Variants in NPHP1 observed in about 807,000 individuals in gnomAD.
NPHP1 encodes nephrocystin-1.
In NPHP1, 70 loss-of-function variants were observed where a neutral mutation model predicts 90.4. The ratio of observed to expected loss-of-function variants is 0.77; its 90% CI spans 0.64 to 0.95. NPHP1 has a LOEUF of 0.95. NPHP1 is among the 40% of genes least tolerant of loss of function. The pLI is 0.00. For missense variants in NPHP1, 764 were observed against 795.9 expected, an observed-to-expected ratio of 0.96 and a Z score of 0.48; for synonymous variants, 256 against 271.7, an observed-to-expected ratio of 0.94 and a Z score of 0.57.
intron 11 of NPHP1, among the ~76,000 whole-genome samples, chr2:110,152,521 G>A (rs553109570): frequency 6.6e-6 from 1 of 151,520 alleles, no homozygotes; most frequent in East Asian, 1.9e-4. Context: ...GGTAGCAAGG[G>A]GCTGGATTTG....
At chr2:110,169,232 G>A (rs897793920) in intron 5 of NPHP1, among the ~76,000 whole-genome samples, 8 of 151,944 alleles carry the variant, frequency 5.3e-5, no homozygotes, top group African/African-American at 1.9e-4. Context: ...ATATTCTTAT[G>A]TATTTTATTA....
chr2:110,155,427 C>T (rs975737344), intron 11 of NPHP1, among the ~76,000 whole-genome samples: 5 of 152,168 alleles, frequency 3.3e-5, no homozygotes, highest in African/African-American at 9.7e-5. Flanking sequence ...GGGCCACCAT[C>T]TTCCAGACCC....
chr2:110,131,264 C>G (rs1456492027), intron 17 of NPHP1, among the ~76,000 whole-genome samples: 2 of 152,058 alleles, frequency 1.3e-5, no homozygotes, highest in African/African-American at 4.8e-5. Flanking sequence ...CTGGATTCAC[C>G]AATTTAAACT....
intron 2 of NPHP1, among the ~76,000 whole-genome samples, chr2:110,192,706 C>G (rs1279908670): frequency 6.6e-6 from 1 of 152,068 alleles, no homozygotes; most frequent in Non-Finnish European, 1.5e-5. Flanking sequence ...ACATAATTGT[C>G]AGATTCACGA....
intron 18 of NPHP1, chr2:110,128,349 G>GC (rs1322547004): frequency 6.6e-6 from 1 of 152,056 alleles, no homozygotes; most frequent in African/African-American, 2.4e-5. Flanking sequence ...ACCGCCCTCA[G>GC]CCCCACACCG....
At chr2:110,172,945 CTTTTCT>C (rs1037063157) in intron 4 of NPHP1, among the ~76,000 whole-genome samples, 10 of 148,320 alleles carry the variant, frequency 6.7e-5, no homozygotes, top group South Asian at 2.1e-4. Flanking sequence ...GTAGTAATTT[CTTTTCT>C]TTTTCTTTTT....
chr2:110,189,107 A>C (rs760790245), intron 2 of NPHP1, among the ~76,000 whole-genome samples: 2 of 152,194 alleles, frequency 1.3e-5, no homozygotes, highest in Non-Finnish European at 2.9e-5. Context: ...TCATGACAAC[A>C]AAAAGCCAAA....
At chr2:110,144,325 C>T in intron 15 of NPHP1, 168 bp downstream of exon 15, 2 of 605,916 alleles carry the variant, frequency 3.3e-6, no homozygotes, top group South Asian at 2.1e-5. Flanking sequence ...TATGTGTTAC[C>T]AAGAAAATAA....
At chr2:110,181,602 A>G (rs1683910821) in intron 2 of NPHP1, among the ~76,000 whole-genome samples, 1 of 152,156 alleles carries the variant, frequency 6.6e-6, no homozygotes, top group Non-Finnish European at 1.5e-5. Flanking sequence ...AACAACATCA[A>G]CAATAAAAAC....
chr2:110,188,094 G>T (rs1280540876), intron 2 of NPHP1, among the ~76,000 whole-genome samples: 1 of 152,132 alleles, frequency 6.6e-6, no homozygotes, highest in Non-Finnish European at 1.5e-5. Context: ...CATTCCCTTT[G>T]AAAACAGGCA....
chr2:110,152,544 C>A (rs1681555977), intron 11 of NPHP1, among the ~76,000 whole-genome samples: 1 of 149,694 alleles, frequency 6.7e-6, no homozygotes. Flanking sequence ...TGCTATATAT[C>A]ACCCCATGAT....
chr2:110,179,969 T>G (rs1487280241), intron 2 of NPHP1, among the ~76,000 whole-genome samples: 1 of 152,168 alleles, frequency 6.6e-6, no homozygotes, highest in Non-Finnish European at 1.5e-5. Flanking sequence ...TTTAAAATGC[T>G]TCTCCAGCTC....
chr2:110,199,778 TA>T (rs1290766849), intron 2 of NPHP1, among the ~76,000 whole-genome samples: 1 of 152,130 alleles, frequency 6.6e-6, no homozygotes, highest in Non-Finnish European at 1.5e-5. Context: ...AATCTTTTTG[TA>T]AAATAAAATC....
chr2:110,152,721 T>C (rs1559065208), intron 11 of NPHP1, among the ~76,000 whole-genome samples: 1 of 151,866 alleles, frequency 6.6e-6, no homozygotes, highest in Non-Finnish European at 1.5e-5. Flanking sequence ...GTGGGCCTTT[T>C]AATGGATCAG....
At chr2:110,170,066 A>G (rs1355686471) in intron 4 of NPHP1, 68 bp from the exon 5 acceptor site, 32 of 1,580,388 alleles carry the variant, frequency 2.0e-5, no homozygotes, top group Non-Finnish European at 2.8e-5. Flanking sequence ...TATGAGTGTA[A>G]CTTCTACATA....
At position 110,178,448 on chromosome 2, in the gene NPHP1, T is replaced by C. The variant is rs2104611760; in HGVS notation, c.304A>G (p.Thr102Ala). 6 of 1,613,948 alleles carry C rather than the reference T, an allele frequency of 3.7e-6. 1 individual carries two copies. The highest frequency in any genetic ancestry group is 5.1e-6 in the Non-Finnish European group (6 of 1,179,896). The stretch of plus-strand genomic sequence containing the variant: ...TCAGTTATATTTTCTCTGCTTATTG[T>C]CACAGCAAGGCCCTGCAGTTGTTGG... ...LTQQLQGLAV[T>A]ISRENITEVG... Residue 102 changes from threonine to alanine, a missense_variant, in exon 4 of 20, where the codon ACA (threonine) becomes GCA (alanine). Transcript: ENST00000445609.
intron 2 of NPHP1, among the ~76,000 whole-genome samples, chr2:110,188,525 T>C (rs541214859): frequency 1.1e-4 from 16 of 152,048 alleles, no homozygotes; most frequent in African/African-American, 3.9e-4. Flanking sequence ...CACAAAAAAA[T>C]GGAGAAACAT....
intron 16 of NPHP1, among the ~76,000 whole-genome samples, chr2:110,133,270 G>A (rs879706801): frequency 5.3e-5 from 8 of 151,982 alleles, no homozygotes; most frequent in Non-Finnish European, 1.0e-4. Context: ...ATTAATATCA[G>A]ACAAAATAGA....
chr2:110,137,065 C>A lies in NPHP1; in HGVS notation c.1530-5274G>T, dbSNP rs965407805. Among the ~76,000 whole-genome samples the A allele has an allele frequency of 7.2e-5, 11 of 152,120 alleles. No homozygotes were observed. The Middle Eastern group carries it at 0.014, about 188-fold the overall frequency. ...CTTTGACAAACCTGACAAAAACAAG[C>A]AATGGGGAAAGGATTCCCTATTTAA... is the stretch of plus-strand genomic sequence containing the variant. On this transcript the variant is annotated intron_variant, in intron 16 of 19. Coordinates refer to ENST00000445609, the MANE Select transcript of NPHP1 (RefSeq NM_001128178.3).
Sources: allele counts gnomAD v4.1 joint callset (sites outside exome capture counted in the v4.1 genomes callset), GRCh38; gene constraint gnomAD v4.1.1; transcripts MANE v1.5; gene names NCBI Gene and HGNC (gene_info 2026-07-23, HGNC 2026-07-21).